The following MYBL1 variants were observed in gnomAD, a reference collection of about 807,000 sequenced individuals.
MYBL1 encodes the protein MYB proto-oncogene like 1.
MYBL1 carries 17 observed loss-of-function variants against 96.3 expected under a neutral mutation model. That is an observed-to-expected ratio of 0.18 (90% CI 0.12 to 0.26). MYBL1 has a LOEUF of 0.26. Ranked by LOEUF, MYBL1 falls within the 10% of genes least tolerant of loss-of-function variation. The pLI is 1.00. For synonymous variants in MYBL1, 282 were observed against 292.7 expected, an observed-to-expected ratio of 0.96 and a Z score of 0.37; for missense variants, 701 against 882.9, an observed-to-expected ratio of 0.79 and a Z score of 2.61.
chr8:66,585,566 C>T (rs1809384280), intron 8 of MYBL1, among the ~76,000 whole-genome samples: 1 of 152,088 alleles, frequency 6.6e-6, no homozygotes, highest in Admixed American at 6.5e-5. Flanking sequence ...CATGGTGAAA[C>T]CTCGTCTCTC....
intron 1 of MYBL1, among the ~76,000 whole-genome samples, chr8:66,605,199 GGT>G (rs1810265034): frequency 2.0e-5 from 3 of 152,040 alleles, no homozygotes; most frequent in Admixed American, 1.3e-4. Flanking sequence ...TTCAAAATCT[GGT>G]GTGTGTTTTG....
intron 9 of MYBL1, 81 bp from the exon 10 acceptor site, chr8:66,576,456 C>T: frequency 1.4e-6 from 2 of 1,437,184 alleles, no homozygotes; most frequent in Non-Finnish European, 1.9e-6. Context: ...ATGATTTCCA[C>T]AGAGTTAATT....
intron 8 of MYBL1, among the ~76,000 whole-genome samples, chr8:66,583,288 C>T (rs1363746957): frequency 6.6e-6 from 1 of 151,882 alleles, no homozygotes; most frequent in Non-Finnish European, 1.5e-5. Flanking sequence ...TTTCTGGAAA[C>T]AAATGAAAAG....
chr8:66,608,122 G>C (rs1013691630), intron 1 of MYBL1, among the ~76,000 whole-genome samples: 1 of 151,958 alleles, frequency 6.6e-6, no homozygotes, highest in Admixed American at 6.6e-5. Flanking sequence ...ACATTATTTT[G>C]GTCAAAAAGC....
intron 1 of MYBL1, among the ~76,000 whole-genome samples, chr8:66,608,105 T>C (rs1170160297): frequency 6.6e-6 from 1 of 152,190 alleles, no homozygotes; most frequent in Non-Finnish European, 1.5e-5. Context: ...AGGATATGAG[T>C]ACAAAAACAT....
At chr8:66,572,352 A>G in intron 12 of MYBL1, 130 bp downstream of exon 12, 1 of 531,714 alleles carries the variant, frequency 1.9e-6, no homozygotes, top group Non-Finnish European at 3.2e-6. Context: ...CTTGAAAATC[A>G]AAAGATAAAG....
Position 66,572,499 on chromosome 8 carries a change from C to T in MYBL1, c.1711G>A (p.Gly571Arg). 6.3e-7 allele frequency: 1 copy of T among 1,576,942 alleles called. No individual in the cohort carries two copies. The highest frequency in any genetic ancestry group is 8.7e-7 in the Non-Finnish European group (1 of 1,152,640). Residue 571 changes from glycine to arginine, a missense_variant, in exon 12 of 16, where the codon GGA becomes AGA. Gly to Arg is a moderately radical substitution (Grantham distance 125). This residue lies in a region of MYBL1 where 63 missense variants were observed against 109.2 expected (regional missense o/e 0.58). Coordinates refer to ENST00000522677, the MANE Select transcript of MYBL1 (RefSeq NM_001080416.4). ...NALAAQEKKY[G>R]PLKIVSQPLA... ...ATACATACCACAATTTTAAGAGGTC[C>T]ATATTTTTTCTCCTGAGCAGCAAGC... is the stretch of plus-strand genomic sequence containing the variant.
chr8:66,572,570 G>T lies in MYBL1; in HGVS notation c.1640C>A (p.Ser547Tyr). 6.3e-7 allele frequency: 1 copy of T among 1,584,788 alleles called. No individual in the cohort carries two copies. Among genetic ancestry groups the T allele is most frequent in the South Asian group, 1.1e-5 (1 of 87,324 alleles). ...AGTTCTTGGTGTGGTACCCAGTATA[G>T]ATCTTCTAATAGTAGGTGTTCTAAA... is the stretch of plus-strand genomic sequence containing the variant. Reference protein sequence around the residue: ...VGFRTPTIRRSILGTTPRTPT... With the variant: ...VGFRTPTIRRYILGTTPRTPT... The change falls in exon 12 of 16, where the codon TCT becomes TAT. Residue 547 changes from serine to tyrosine, a missense_variant. By Grantham distance (144) the Ser-to-Tyr change is moderately radical. Coordinates refer to ENST00000522677, the MANE Select transcript of MYBL1 (RefSeq NM_001080416.4).
intron 8 of MYBL1, among the ~76,000 whole-genome samples, chr8:66,586,580 G>A (rs1305605252): frequency 3.9e-5 from 6 of 152,130 alleles, no homozygotes. Context: ...CTGTTGGAAG[G>A]AATGTAAATT....
chr8:66,601,210 C>T (rs1305193672), intron 3 of MYBL1, among the ~76,000 whole-genome samples: 1 of 120,776 alleles, frequency 8.3e-6, no homozygotes, highest in Non-Finnish European at 1.7e-5. Flanking sequence ...AAAAAGAGTA[C>T]ATGTGAAAAT....
chr8:66,575,490 G>A (rs1450369883), intron 10 of MYBL1, among the ~76,000 whole-genome samples: 5 of 152,044 alleles, frequency 3.3e-5, no homozygotes, highest in Admixed American at 3.3e-4. Context: ...TCTAAAAACT[G>A]TAGTATAATA....
At chr8:66,601,497 A>G (rs1810071905) in intron 3 of MYBL1, among the ~76,000 whole-genome samples, 2 of 152,152 alleles carry the variant, frequency 1.3e-5, no homozygotes. Flanking sequence ...GCCCCTGGAT[A>G]AACGCATTAC....
chr8:66,580,939 C>T (rs372971094), intron 8 of MYBL1, among the ~76,000 whole-genome samples: 64 of 151,664 alleles, frequency 4.2e-4, no homozygotes, highest in African/African-American at 1.5e-3. Context: ...CGGCTCACTG[C>T]AACTTCCACC....
At chr8:66,586,176 G>C (rs936959655) in intron 8 of MYBL1, among the ~76,000 whole-genome samples, 1 of 151,276 alleles carries the variant, frequency 6.6e-6, no homozygotes, top group Non-Finnish European at 1.5e-5. Flanking sequence ...ATTCTGAGTA[G>C]CTGGGACTAC....
At chr8:66,597,580 A>C (rs1468806321) in intron 4 of MYBL1, 30 bp from the exon 5 acceptor site, 1 of 1,352,918 alleles carries the variant, frequency 7.4e-7, no homozygotes, top group South Asian at 1.3e-5. Flanking sequence ...AGTTTAAAAA[A>C]GCATTACCTT....
intron 10 of MYBL1, among the ~76,000 whole-genome samples, chr8:66,574,064 A>C (rs1207279693): frequency 6.6e-6 from 1 of 152,188 alleles, no homozygotes; most frequent in South Asian, 2.1e-4. Context: ...AACAGAGTCC[A>C]TTTTCTAAAT....
At chr8:66,572,319 C>CA (rs895363048) in intron 12 of MYBL1, among the ~76,000 whole-genome samples, 163 bp downstream of exon 12, 72 of 107,752 alleles carry the variant, frequency 6.7e-4, no homozygotes, top group Middle Eastern at 4.9e-3. Flanking sequence ...GACTCCGTCT[C>CA]AAAAAAAAAA....
chr8:66,606,121 CCT>C (rs1025307321), intron 1 of MYBL1, among the ~76,000 whole-genome samples: 1 of 152,118 alleles, frequency 6.6e-6, no homozygotes, highest in Non-Finnish European at 1.5e-5. Context: ...TAAAGACAAA[CCT>C]CAAGTTCATT....
intron 1 of MYBL1, among the ~76,000 whole-genome samples, chr8:66,608,703 C>T (rs140562415): frequency 8.3e-4 from 126 of 152,256 alleles, no homozygotes; most frequent in Non-Finnish European, 1.5e-3. Flanking sequence ...TCTACTTTTA[C>T]ATAATCTTTT....
Sources: allele counts gnomAD v4.1 joint callset (sites outside exome capture counted in the v4.1 genomes callset), GRCh38; gene constraint gnomAD v4.1.1; regional missense constraint gnomAD v4.1.1; transcripts MANE v1.5; gene names NCBI Gene and HGNC (gene_info 2026-07-23, HGNC 2026-07-21).